The following IQCH variants were observed in gnomAD, a reference collection of about 807,000 sequenced individuals.
IQCH encodes IQ domain-containing protein H.
A neutral mutation model predicts 117.0 loss-of-function variants in IQCH; 98 were observed. The observed-to-expected ratio is 0.84, with a 90% CI of 0.71 to 0.99. The LOEUF is 0.99. IQCH is among the 50% of genes least tolerant of loss of function. The pLI is 0.00. For missense variants in IQCH, 1,102 were observed against 1,243.8 expected, an observed-to-expected ratio of 0.89 and a Z score of 1.72; for synonymous variants, 412 against 448.2, an observed-to-expected ratio of 0.92 and a Z score of 1.02.
At chr15:67,420,120 A>G (rs2081692819) in intron 15 of IQCH, among the ~76,000 whole-genome samples, 1 of 152,258 alleles carries the variant, frequency 6.6e-6, no homozygotes, top group Admixed American at 6.5e-5. Flanking sequence ...GAAGAAAAGC[A>G]TGTCTCAAAC....
chr15:67,478,960 GATA>G (rs1325840079), intron 18 of IQCH, among the ~76,000 whole-genome samples: 1 of 152,054 alleles, frequency 6.6e-6, no homozygotes, highest in African/African-American at 2.4e-5. Flanking sequence ...AAAAGGCGCA[GATA>G]ATAAACAGAA....
At chr15:67,423,902 G>GA (rs1283778798) in intron 16 of IQCH, among the ~76,000 whole-genome samples, 1 of 151,776 alleles carries the variant, frequency 6.6e-6, no homozygotes, top group Admixed American at 6.6e-5. Flanking sequence ...GTGAGAAAGA[G>GA]AAAGGTAAAA....
chr15:67,490,058 G>A lies in IQCH; in HGVS notation c.2855G>A (p.Gly952Glu), dbSNP rs144463314. Residue 952 changes from glycine (G) to glutamate (E), a missense_variant, in exon 19 of 21, where the codon GGA becomes GAA. Physicochemically the swap from Gly to Glu is moderately conservative, Grantham distance 98. This residue lies in a region of IQCH where 650 missense variants were observed against 794.3 expected (regional missense o/e 0.82). Transcript: ENST00000335894. This position sits in a 1 kb window ranked among gnomAD's most constrained non-coding sequence, Gnocchi z 4.9. ...LYEHLKRHKL[G>E]MLTIGEDLQG... ...GAGCACCTGAAGAGACACAAGTTGG[G>A]AATGTTGTGAGTATGAAGTGTATCT... is the stretch of plus-strand genomic sequence containing the variant. The A allele has an allele frequency of 2.5e-6, 4 of 1,608,134 alleles. No individual in the cohort carries two copies. In the African/African-American group the frequency reaches 5.4e-5, roughly 22 times the overall value.
intron 3 of IQCH, among the ~76,000 whole-genome samples, chr15:67,263,918 G>C (rs1358703703): frequency 6.6e-6 from 1 of 152,216 alleles, no homozygotes; most frequent in African/African-American, 2.4e-5. Flanking sequence ...ATTTGAATGA[G>C]TGTAGATTAA....
At position 67,372,369 on chromosome 15, in the gene IQCH, A is replaced by G. The variant is rs143984798; in HGVS notation, c.1012A>G (p.Thr338Ala). 1.8e-4 allele frequency: 293 copies of G among 1,614,040 alleles called. 1 individual carries two copies. The highest frequency in any genetic ancestry group is 2.7e-5 in the Non-Finnish European group (32 of 1,180,016). The change falls in exon 9 of 21, where the codon ACC becomes GCC. Residue 338 changes from threonine (T) to alanine (A), a missense_variant. Around this residue, in one of 2 missense-constraint regions of IQCH, gnomAD observed 452 missense variants for 449.6 expected, o/e 1.01. Transcript: ENST00000335894. ...LPEFELTNKL[T>A]RYDLLSVLED... ...AGAGTTTGAGCTGACGAATAAACTT[A>G]CCAGATATGACCTTCTCTCAGTGTT...
At position 67,401,441 on chromosome 15, in the gene IQCH, T is replaced by C. The variant is rs1331538187; in HGVS notation, c.2097+1136T>C. 3.3e-5 allele frequency among the ~76,000 whole-genome samples: 5 copies of C among 152,218 alleles called. No homozygotes were observed. The highest frequency in any genetic ancestry group is 1.2e-4 in the African/African-American group (5 of 41,458). Reference sequence around the variant, plus strand: ...TAGGAAAATCACAATGCAAATTCCCTTAACTGGTTCCTTCCCTACCAGCAT... The same window carrying C: ...TAGGAAAATCACAATGCAAATTCCCCTAACTGGTTCCTTCCCTACCAGCAT... On this transcript the variant is annotated intron_variant, in intron 14 of 20. Coordinates refer to ENST00000335894, the MANE Select transcript of IQCH (RefSeq NM_001031715.3). The surrounding 1 kb of genome is among the most constrained non-coding windows in gnomAD (Gnocchi z 4.7).
At chr15:67,309,796 A>G (rs1256527194) in intron 4 of IQCH, among the ~76,000 whole-genome samples, 1 of 151,470 alleles carries the variant, frequency 6.6e-6, no homozygotes, top group Non-Finnish European at 1.5e-5. Context: ...CTTGGAGCTG[A>G]GTAGATCAAA....
At chr15:67,270,185 T>G (rs1053263010) in intron 3 of IQCH, among the ~76,000 whole-genome samples, 8 of 152,290 alleles carry the variant, frequency 5.3e-5, no homozygotes, top group African/African-American at 1.9e-4. Flanking sequence ...ATTTGACTTC[T>G]TCCTTTCCAA....
At chr15:67,361,627 T>A (rs1970137333) in intron 8 of IQCH, among the ~76,000 whole-genome samples, 1 of 152,242 alleles carries the variant, frequency 6.6e-6, no homozygotes, top group South Asian at 2.1e-4. Context: ...ACTGTTTTCT[T>A]CAATAACAGA....
At chr15:67,347,688 C>T (rs898673944) in intron 6 of IQCH, among the ~76,000 whole-genome samples, 4 of 151,084 alleles carry the variant, frequency 2.6e-5, no homozygotes, top group African/African-American at 7.3e-5. Flanking sequence ...GCTATCATCA[C>T]CCTGACACCA....
chr15:67,272,711 T>A (rs1965951431), intron 3 of IQCH, among the ~76,000 whole-genome samples: 1 of 152,270 alleles, frequency 6.6e-6, no homozygotes, highest in Non-Finnish European at 1.5e-5. Flanking sequence ...GTCTTTGACT[T>A]GTAGTCCATT....
chr15:67,339,466 C>T (rs1005568194), intron 5 of IQCH, among the ~76,000 whole-genome samples: 4 of 152,140 alleles, frequency 2.6e-5, no homozygotes, highest in African/African-American at 9.7e-5. Flanking sequence ...AATTGGATTT[C>T]CCATGAGGAG....
Position 67,465,782 on chromosome 15 carries a change from C to T in IQCH, c.2676+485C>T, listed in dbSNP as rs576511405. ...AGAGGCTGATAAGATAACCCCCAGC[C>T]CCACATCCAGTCAGCAAGCAGGGCG... On this transcript the variant is annotated intron_variant, in intron 17 of 20. Transcript: ENST00000335894. This position sits in a 1 kb window ranked among gnomAD's most constrained non-coding sequence, Gnocchi z 5.9. Among the ~76,000 whole-genome samples the T allele has an allele frequency of 3.3e-5, 5 of 152,268 alleles. No individual in the cohort carries two copies. The South Asian group carries it at 1.0e-3, about 32-fold the overall frequency.
At chr15:67,306,295 T>C (rs757263020) in intron 4 of IQCH, among the ~76,000 whole-genome samples, 8 of 152,110 alleles carry the variant, frequency 5.3e-5, no homozygotes, top group Non-Finnish European at 1.0e-4. Flanking sequence ...TTACCACTTA[T>C]AAAAATCATT....
chr15:67,324,773 T>C (rs1447242220), intron 4 of IQCH, among the ~76,000 whole-genome samples: 1 of 152,182 alleles, frequency 6.6e-6, no homozygotes, highest in African/African-American at 2.4e-5. Flanking sequence ...AGTCAACCAT[T>C]ATTCACATAA....
At chr15:67,314,939 G>A (rs1420579910) in intron 4 of IQCH, among the ~76,000 whole-genome samples, 1 of 152,180 alleles carries the variant, frequency 6.6e-6, no homozygotes, top group Non-Finnish European at 1.5e-5. Context: ...AAGAGGTATG[G>A]TTTTAGGTAT....
At chr15:67,362,855 A>G (rs959240919) in intron 8 of IQCH, among the ~76,000 whole-genome samples, 1 of 152,240 alleles carries the variant, frequency 6.6e-6, no homozygotes, top group Non-Finnish European at 1.5e-5. Flanking sequence ...TACTTTCAAA[A>G]CCACTAGATG....
At chr15:67,373,719 C>T (rs1441788293) in intron 10 of IQCH, 1 of 512,580 alleles carries the variant, frequency 2.0e-6, no homozygotes, top group Non-Finnish European at 3.5e-6. Flanking sequence ...TGTATTTTTC[C>T]CCGAAATAAC....
intron 18 of IQCH, among the ~76,000 whole-genome samples, chr15:67,478,403 CAG>C (rs1246842771): frequency 1.3e-5 from 2 of 151,728 alleles, no homozygotes; most frequent in Admixed American, 6.6e-5. Context: ...AAAAGGCAGA[CAG>C]AGGGGCACCG....
Sources: allele counts gnomAD v4.1 joint callset (sites outside exome capture counted in the v4.1 genomes callset), GRCh38; gene constraint gnomAD v4.1.1; regional missense constraint gnomAD v4.1.1; non-coding constraint Gnocchi (gnomAD v3.1); transcripts MANE v1.5; gene names NCBI Gene and HGNC (gene_info 2026-07-23, HGNC 2026-07-21).